The following PIKFYVE variants were observed in gnomAD, a reference collection of about 807,000 sequenced individuals.
The protein encoded by PIKFYVE is phosphoinositide kinase, FYVE-type zinc finger containing, also known as 1-phosphatidylinositol 3-phosphate 5-kinase.
A neutral mutation model predicts 257.9 loss-of-function variants in PIKFYVE; 122 were observed. That is an observed-to-expected ratio of 0.47 (90% confidence interval 0.41 to 0.55). PIKFYVE has a LOEUF of 0.55. Ranked by LOEUF, PIKFYVE falls within the 20% of genes least tolerant of loss-of-function variation. The pLI is 0.00. For missense variants in PIKFYVE, 2,160 were observed against 2,536.6 expected (o/e 0.85, Z 3.19); for synonymous variants, 892 against 868.9 (o/e 1.03, Z -0.47).
At chr2:208,269,064 A>G (rs1689068433) in intron 1 of PIKFYVE, among the ~76,000 whole-genome samples, 1 of 152,158 alleles carries the variant, frequency 6.6e-6, no homozygotes, top group African/African-American at 2.4e-5. Flanking sequence ...GTTGCCTCAA[A>G]GGTAAAATGT....
chr2:208,292,320 T>C (rs1339127688), intron 7 of PIKFYVE, among the ~76,000 whole-genome samples: 1 of 152,124 alleles, frequency 6.6e-6, no homozygotes, highest in Non-Finnish European at 1.5e-5. Flanking sequence ...ACCTGATTAA[T>C]GGTGTTGTTG....
At chr2:208,311,117 G>C (rs1450060414) in intron 12 of PIKFYVE, among the ~76,000 whole-genome samples, 1 of 152,066 alleles carries the variant, frequency 6.6e-6, no homozygotes, top group Admixed American at 6.6e-5. Flanking sequence ...CTGTAGGTTT[G>C]AATTTTTTTC....
chr2:208,320,180 A>G (rs1696048339), intron 16 of PIKFYVE, 72 bp from the exon 17 acceptor site: 2 of 1,548,098 alleles, frequency 1.3e-6, no homozygotes, highest in Non-Finnish European at 1.7e-6. Context: ...ATATAGATTT[A>G]AAGTTATAAT....
chr2:208,268,160 CATT>C (rs1416181865), intron 1 of PIKFYVE, among the ~76,000 whole-genome samples: 1 of 152,108 alleles, frequency 6.6e-6, no homozygotes, highest in Non-Finnish European at 1.5e-5. Flanking sequence ...GCCCTAGTGT[CATT>C]ATGTAATTAT....
intron 29 of PIKFYVE, 94 bp from the exon 30 acceptor site, chr2:208,339,324 G>A (rs1698476861): frequency 7.0e-7 from 1 of 1,426,878 alleles, no homozygotes; most frequent in Admixed American, 1.7e-5. Flanking sequence ...CTACCTTTTA[G>A]GAAGTAGGCA....
At chr2:208,294,545 A>T (rs771285873) in intron 7 of PIKFYVE, among the ~76,000 whole-genome samples, 4 of 152,114 alleles carry the variant, frequency 2.6e-5, no homozygotes, top group African/African-American at 4.8e-5. Flanking sequence ...TAGTGATAGG[A>T]TGTAGGGGGA....
chr2:208,353,797 TAGTGACTATA>T, intron 39 of PIKFYVE, 91 bp from the exon 40 acceptor site: 4 of 1,353,118 alleles, frequency 3.0e-6, no homozygotes, highest in Non-Finnish European at 4.2e-6. Context: ...TGTGTAATGG[TAGTGACTATA>T]AGGAGTCTTT....
intron 28 of PIKFYVE, among the ~76,000 whole-genome samples, chr2:208,337,667 C>G (rs1698285003): frequency 6.6e-6 from 1 of 151,994 alleles, no homozygotes; most frequent in South Asian, 2.1e-4. Context: ...GAATGCAATT[C>G]TCAAAGTGTG....
rs753891473 is a variant in PIKFYVE at position 208,325,702 on chromosome 2, C to T, written c.2891C>T (p.Pro964Leu). Residue 964 changes from proline (P) to leucine (L), a missense_variant, in exon 20 of 42, where the codon CCG becomes CTG. Physicochemically the swap from Pro to Leu is moderately conservative, Grantham distance 98. Around this residue, in one of 12 missense-constraint regions of PIKFYVE, gnomAD observed 522 missense variants for 514.6 expected, o/e 1.01. Transcript: ENST00000264380. ...KHQEHSTTAC[P>L]AGLPCAFFAP... ...CAAGAACATAGCACAACAGCTTGCC[C>T]GGCGGGTCTCCCTTGTGCTTTCTTT... The T allele has an allele frequency of 3.0e-5, 49 of 1,613,580 alleles. No homozygotes were observed. Among genetic ancestry groups the T allele is most frequent in the Non-Finnish European group, 3.9e-5 (46 of 1,179,698 alleles).
intron 16 of PIKFYVE, among the ~76,000 whole-genome samples, chr2:208,318,154 G>A (rs889480311): frequency 5.9e-5 from 9 of 152,196 alleles, no homozygotes; most frequent in African/African-American, 2.2e-4. Flanking sequence ...TCACCAGACA[G>A]AAGGAGGAAG....
Position 208,320,353 on chromosome 2 carries a change from G to A in PIKFYVE, c.2184G>A (p.Val728=), listed in dbSNP as rs148846480. 1,135 of 1,611,878 alleles carry A rather than the reference G, an allele frequency of 7.0e-4. 14 individuals are homozygous for A. In the African/African-American group the frequency reaches 0.013, roughly 19 times the overall value. The change falls in exon 17 of 42, where the codon GTG becomes GTA. Residue 728 remains valine (V), a synonymous_variant. Transcript: ENST00000264380. The part of the protein sequence containing the change: ...ETKFTCIDPI[V]LQEREFLKNY... The stretch of plus-strand genomic sequence containing the variant: ...AGTTTACTTGCATTGATCCTATTGT[G>A]CTTCAGGTAAGAATTTACTACTGAA...
At chr2:208,329,760 A>T in intron 21 of PIKFYVE, 82 bp from the exon 22 acceptor site, 2 of 1,565,244 alleles carry the variant, frequency 1.3e-6, no homozygotes, top group Non-Finnish European at 1.7e-6. Context: ...TACATTTAAT[A>T]GGTAATCATA....
chr2:208,300,388 G>A (rs1693534634), intron 8 of PIKFYVE, among the ~76,000 whole-genome samples: 2 of 152,178 alleles, frequency 1.3e-5, no homozygotes, highest in African/African-American at 4.8e-5. Flanking sequence ...GGAGTCTGGG[G>A]GCAATGAGAA....
rs756093639 is a variant in PIKFYVE at position 208,315,326 on chromosome 2, A to G, written c.1960A>G (p.Asn654Asp). ...VVQTVRPDVKNQDDDMDIRQF... is the reference protein window; with the variant it reads ...VVQTVRPDVKDQDDDMDIRQF... The stretch of plus-strand genomic sequence containing the variant: ...TCAGACAGTCCGACCTGATGTCAAG[A>G]ACCAGGATGATGACATGGATATCCG... Residue 654 changes from asparagine to aspartate, a missense_variant, in exon 15 of 42, where the codon AAC (asparagine) becomes GAC (aspartate). By Grantham distance (23) the Asn-to-Asp change is conservative. Coordinates refer to ENST00000264380, the MANE Select transcript of PIKFYVE (RefSeq NM_015040.4). 1 of 1,614,190 alleles carries G rather than the reference A, an allele frequency of 6.2e-7. No individual in the cohort carries two copies. The highest frequency in any genetic ancestry group is 1.6e-4 in the Middle Eastern group (1 of 6,062).
At chr2:208,287,591 C>T (rs1327482339) in intron 6 of PIKFYVE, among the ~76,000 whole-genome samples, 2 of 151,482 alleles carry the variant, frequency 1.3e-5, no homozygotes, top group Non-Finnish European at 2.9e-5. Flanking sequence ...CTTTTTCTTA[C>T]ATTAGTTTTT....
At position 208,325,192 on chromosome 2, in the gene PIKFYVE, A is replaced by G. The variant is rs147858853; in HGVS notation, c.2459-78A>G. On this transcript the variant is annotated intron_variant, in intron 19 of 41. Transcript: ENST00000264380. ...AAGAGTTTTTCTTTTACAGATATTAAGAGAGTGAATTAATTCTATTTGTAC... is the reference window on the plus strand; with the variant it reads ...AAGAGTTTTTCTTTTACAGATATTAGGAGAGTGAATTAATTCTATTTGTAC... The G allele has an allele frequency of 3.5e-5, 54 of 1,558,788 alleles. No homozygotes were observed. In the Admixed American group the frequency reaches 9.2e-4, roughly 26 times the overall value.
chr2:208,325,217 C>G, intron 19 of PIKFYVE, 53 bp from the exon 20 acceptor site: 2 of 1,577,210 alleles, frequency 1.3e-6, no homozygotes, highest in Non-Finnish European at 1.7e-6. Context: ...TCTATTTGTA[C>G]TTCTGGATTG....
At chr2:208,288,120 G>A (rs1691824799) in intron 6 of PIKFYVE, among the ~76,000 whole-genome samples, 1 of 152,164 alleles carries the variant, frequency 6.6e-6, no homozygotes, top group Non-Finnish European at 1.5e-5. Context: ...AGGTAAGAAA[G>A]CTCCCTGAGA....
At chr2:208,304,755 AC>A in intron 11 of PIKFYVE, 90 bp from the exon 12 acceptor site, 2 of 1,301,092 alleles carry the variant, frequency 1.5e-6, no homozygotes, top group Non-Finnish European at 2.2e-6. Flanking sequence ...TATTAAAAAA[AC>A]ATTTTTCTCC....
Sources: allele counts gnomAD v4.1 joint callset (sites outside exome capture counted in the v4.1 genomes callset), GRCh38; gene constraint gnomAD v4.1.1; regional missense constraint gnomAD v4.1.1; transcripts MANE v1.5; gene names NCBI Gene and HGNC (gene_info 2026-07-23, HGNC 2026-07-21).